SCN4A: variants seen among roughly 807,000 people sequenced by gnomAD.
The protein encoded by SCN4A is sodium voltage-gated channel alpha subunit 4.
A neutral mutation model predicts 162.0 loss-of-function variants in SCN4A; 83 were observed. The observed-to-expected ratio is 0.51, with a 90% CI of 0.43 to 0.61. The LOEUF is 0.61. SCN4A is among the 20% of genes least tolerant of loss of function. The pLI, the probability that SCN4A is intolerant of heterozygous loss-of-function variation, is 0.00. For synonymous variants in SCN4A, 944 were observed against 985.1 expected (o/e 0.96, Z 0.78); for missense variants, 2,196 against 2,462.5 (o/e 0.89, Z 2.29).
At chr17:63,959,053 C>T (rs1027021213) in intron 12 of SCN4A, among the ~76,000 whole-genome samples, 2 of 152,166 alleles carry the variant, frequency 1.3e-5, no homozygotes, top group Admixed American at 6.5e-5. Flanking sequence ...TTGGGTCCCC[C>T]CAGCAGCCCT....
chr17:63,971,133 G>A (rs1567829075), intron 5 of SCN4A, 29 bp downstream of exon 5: 1 of 1,457,664 alleles, frequency 6.9e-7, no homozygotes, highest in Non-Finnish European at 9.4e-7. Flanking sequence ...TCTCAGCTCA[G>A]GCAGAGGGTC....
Position 63,951,707 on chromosome 17 carries a change from CTGAGCA to C in SCN4A, c.2564_2569del (p.Met855_Leu856del). 1.3e-6 allele frequency: 2 copies of C among 1,597,484 alleles called. No individual in the cohort carries two copies. The highest frequency in any genetic ancestry group is 1.7e-6 in the Non-Finnish European group (2 of 1,171,842). On this transcript the variant is annotated inframe_deletion, in exon 14 of 24. Transcript: ENST00000435607. The surrounding 1 kb of genome is among the most constrained non-coding windows in gnomAD (Gnocchi z 4.5). Reference sequence around the variant, plus strand: ...CCCGGCCCCGTCAGCCTCCCCGAGGCTGAGCATGATGTCCTTGGGGCTCAGGATCTT... The same window carrying C: ...CCCGGCCCCGTCAGCCTCCCCGAGGCTGATGTCCTTGGGGCTCAGGATCTT...
chr17:63,968,509 C>G (rs879744518), intron 5 of SCN4A, among the ~76,000 whole-genome samples, 154 bp from the exon 6 acceptor site: 6 of 152,218 alleles, frequency 3.9e-5, no homozygotes. Context: ...AAATTAACTC[C>G]ACCCTTCTCT....
At chr17:63,969,485 C>T (rs1400665194) in intron 5 of SCN4A, among the ~76,000 whole-genome samples, 1 of 152,186 alleles carries the variant, frequency 6.6e-6, no homozygotes, top group Non-Finnish European at 1.5e-5. Context: ...TGGCAGCTGG[C>T]ACAGAGGAAA....
intron 13 of SCN4A, among the ~76,000 whole-genome samples, chr17:63,955,543 G>C (rs968190834): frequency 6.6e-6 from 1 of 152,168 alleles, no homozygotes; most frequent in East Asian, 1.9e-4. Flanking sequence ...TAACGGGCTC[G>C]AGGTTTCCCA....
intron 13 of SCN4A, among the ~76,000 whole-genome samples, chr17:63,954,453 C>T (rs528183706): frequency 2.0e-5 from 3 of 152,242 alleles, no homozygotes; most frequent in South Asian, 4.1e-4. Context: ...GGTTTGCACA[C>T]GGCTCCTGCC....
rs2144773078 is a variant in SCN4A, at chr17:63,940,968, G to A, written c.5314C>T (p.Leu1772Phe). Residue 1772 changes from leucine to phenylalanine, a missense_variant, in exon 24 of 24, where the codon CTT becomes TTT. Leu to Phe is a conservative substitution (Grantham distance 22). Coordinates refer to ENST00000435607, the MANE Select transcript of SCN4A (RefSeq NM_000334.4). ...TACATCTTGCTCATGGTGTTGGCAA[G>A]CAGCCCCTCCTTCTCAGGGGCGTCA... ...GDDAPEKEGL[L>F]ANTMSKMYGH... The A allele has an allele frequency of 6.2e-7, 1 of 1,613,430 alleles. No homozygotes were observed. The highest frequency in any genetic ancestry group is 1.1e-5 in the South Asian group (1 of 91,066).
chr17:63,970,126 T>C (rs1002084135), intron 5 of SCN4A, among the ~76,000 whole-genome samples: 3 of 152,226 alleles, frequency 2.0e-5, no homozygotes, highest in Non-Finnish European at 2.9e-5. Context: ...GGAATTGCTC[T>C]GACCTTATTG....
chr17:63,951,988 C>T lies in SCN4A; in HGVS notation c.2377-88G>A. ...AGCCAGCACAGGGGTCCTCGGTCTA[C>T]AGATCCAAACTACCACATGTTGGGC... is the stretch of plus-strand genomic sequence containing the variant. On this transcript the variant is annotated intron_variant, in intron 13 of 23. Coordinates refer to ENST00000435607, the MANE Select transcript of SCN4A (RefSeq NM_000334.4). The surrounding 1 kb of genome is among the most constrained non-coding windows in gnomAD (Gnocchi z 4.5). The T allele has an allele frequency of 1.4e-6, 1 of 725,742 alleles. No individual in the cohort carries two copies. Among genetic ancestry groups the T allele is most frequent in the Non-Finnish European group, 2.2e-6 (1 of 449,802 alleles). 45.0% of individuals were successfully genotyped at this position (725,742 alleles called of 1,614,324 possible). A position where few individuals can be genotyped will look rare whatever the true frequency, so the allele number is the denominator to read the frequency against.
Position 63,944,954 on chromosome 17 carries a change from G to T in SCN4A, c.3774+53C>A. On this transcript the variant is annotated intron_variant, in intron 20 of 23. Coordinates refer to ENST00000435607, the MANE Select transcript of SCN4A (RefSeq NM_000334.4). This position sits in a 1 kb window ranked among gnomAD's most constrained non-coding sequence, Gnocchi z 4.3. ...TGCTGCCAAGTCTCCCTCCTGTCTT[G>T]AGTCCTCTTCCCTGGCTCGCTCACC... The T allele has an allele frequency of 6.2e-7, 1 of 1,602,100 alleles. No homozygotes were observed. The highest frequency in any genetic ancestry group is 1.1e-5 in the South Asian group (1 of 90,180).
rs375607705 is a variant in SCN4A, at chr17:63,942,989, G to A, written c.4125C>T (p.Asp1375=). 40 of 1,613,864 alleles carry A rather than the reference G, an allele frequency of 2.5e-5. No individual in the cohort carries two copies. The highest frequency in any genetic ancestry group is 1.5e-4 in the Admixed American group (9 of 60,006). Residue 1375 remains aspartate (D), a synonymous_variant, in exon 23 of 24, where the codon GAC becomes GAT. Transcript: ENST00000435607. ...TGTCCACCTTGAGCTGGCTCTGGTTGTCTGTCTCCACCATCATGGTGACCA... is the reference window on the plus strand; with the variant it reads ...TGTCCACCTTGAGCTGGCTCTGGTTATCTGTCTCCACCATCATGGTGACCA... ...LNMVTMMVET[D]NQSQLKVDIL...
chr17:63,953,594 T>G (rs1908980343), intron 13 of SCN4A, among the ~76,000 whole-genome samples: 1 of 148,168 alleles, frequency 6.7e-6, no homozygotes, highest in South Asian at 2.1e-4. Flanking sequence ...GGCAGGAGAA[T>G]CACTTGAACC....
At position 63,972,623 on chromosome 17, in the gene SCN4A, C is replaced by G. The variant is rs779890709; in HGVS notation, c.219G>C (p.Pro73=). 1 of 1,607,444 alleles carries G rather than the reference C, an allele frequency of 6.2e-7. No homozygotes were observed. Among genetic ancestry groups the G allele is most frequent in the Non-Finnish European group, 8.5e-7 (1 of 1,176,932 alleles). ...NLPMIYGDPP[P]EVIGIPLEDL... is the part of the protein sequence containing the mutation. ...CCTCCAGGGGGATGCCGATGACCTC[C>G]GGCGGGGGGTCTCCGTAGATCATGG... Residue 73 remains proline (P), a synonymous_variant, in exon 1 of 24, where the codon CCG becomes CCC. Transcript: ENST00000435607. This position sits in a 1 kb window ranked among gnomAD's most constrained non-coding sequence, Gnocchi z 4.3.
intron 21 of SCN4A, 62 bp from the exon 22 acceptor site, chr17:63,943,912 C>A: frequency 9.2e-7 from 1 of 1,085,904 alleles, no homozygotes; most frequent in Non-Finnish European, 1.4e-6. Context: ...CCAGGACCAC[C>A]CCCACCTCAG....
intron 14 of SCN4A, 108 bp from the exon 15 acceptor site, chr17:63,949,636 G>C: frequency 7.6e-7 from 1 of 1,314,012 alleles, no homozygotes; most frequent in Non-Finnish European, 1.0e-6. Flanking sequence ...AGAAGAGAGG[G>C]AGGAGCAAAC....
Position 63,941,956 on chromosome 17 carries a change from C to A in SCN4A, c.4326G>T (p.Val1442=). The part of the protein sequence containing the change: ...ALSDLIQKYF[V]SPTLFRVIRL... ...GGATCACACGGAACAGCGTGGGTGA[C>A]ACGAAGTACTTCTGGATCAGGTCAG... The change falls in exon 24 of 24, where the codon GTG becomes GTT. Residue 1442 remains valine (V), a synonymous_variant. Coordinates refer to ENST00000435607, the MANE Select transcript of SCN4A (RefSeq NM_000334.4). This position sits in a 1 kb window ranked among gnomAD's most constrained non-coding sequence, Gnocchi z 6.2. The A allele has an allele frequency of 6.3e-7, 1 of 1,595,532 alleles. No homozygotes were observed. The highest frequency in any genetic ancestry group is 1.1e-5 in the South Asian group (1 of 88,822).
Position 63,943,756 on chromosome 17 carries a change from G to C in SCN4A, c.4007C>G (p.Pro1336Arg), listed in dbSNP as rs62621169. ...CCCAGAGGTCTGTACCTGGGGCCGG[G>C]GAATTGGCTTCTGAGGCTTCTTGGA... ...LGSKKPQKPI[P>R]RPQNKIQGMV... is the part of the protein sequence containing the mutation. The change falls in exon 22 of 24, where the codon CCC becomes CGC. Residue 1336 changes from proline (P) to arginine (R), a missense_variant. Pro to Arg is a moderately radical substitution (Grantham distance 103, BLOSUM62 -2). Transcript: ENST00000435607. 5 of 1,608,528 alleles carry C rather than the reference G, an allele frequency of 3.1e-6. No homozygotes were observed. Among genetic ancestry groups the C allele is most frequent in the Non-Finnish European group, 3.4e-6 (4 of 1,175,068 alleles).
intron 22 of SCN4A, 50 bp downstream of exon 22, chr17:63,943,696 A>T: frequency 8.2e-7 from 1 of 1,214,080 alleles, no homozygotes; most frequent in Non-Finnish European, 1.2e-6. Flanking sequence ...TCAGTCCCCT[A>T]GGCAGGAGCC....
Position 63,961,415 on chromosome 17 carries a change from G to A in SCN4A, c.1623C>T (p.His541=). 2 of 1,613,312 alleles carry A rather than the reference G, an allele frequency of 1.2e-6. No homozygotes were observed. The highest frequency in any genetic ancestry group is 1.7e-6 in the Non-Finnish European group (2 of 1,179,400). ...SDAMEELEEA[H]QKCPPWWYKC... is the part of the protein sequence containing the mutation. ...TGTACCACCATGGTGGGCACTTTTG[G>A]TGGGCCTCTTCCAGTTCTGGGAGAG... The change falls in exon 11 of 24, where the codon CAC becomes CAT. Residue 541 remains histidine, a synonymous_variant. Coordinates refer to ENST00000435607, the MANE Select transcript of SCN4A (RefSeq NM_000334.4).
Sources: gnomAD v4.1 joint callset for allele counts (sites outside exome capture counted in the v4.1 genomes callset) on GRCh38, gnomAD v4.1.1 for gene constraint, Gnocchi (gnomAD v3.1) non-coding constraint, MANE v1.5 for transcripts, NCBI Gene and HGNC (gene_info 2026-07-23, HGNC 2026-07-21) for gene names.